The following DEPDC1B variants were observed in gnomAD, a reference collection of about 807,000 sequenced individuals.
DEPDC1B encodes DEP domain containing 1B, also known as DEP domain-containing protein 1B.
A neutral mutation model predicts 66.5 loss-of-function variants in DEPDC1B; 51 were observed. The ratio of observed to expected loss-of-function variants is 0.77; its 90% CI spans 0.61 to 0.97. The LOEUF (loss-of-function observed/expected upper bound fraction) is 0.97, where lower values mean the gene tolerates loss of function less well. Ranked by LOEUF, DEPDC1B falls within the 50% of genes least tolerant of loss-of-function variation. The probability of loss-of-function intolerance (pLI) is 0.00; values close to 1 mark genes in which losing one functional copy is unlikely to be tolerated. For missense variants in DEPDC1B, 552 were observed against 637.1 expected (o/e 0.87, Z 1.44); for synonymous variants, 226 against 223.6 (o/e 1.01, Z -0.10).
At chr5:60,647,194 C>T (rs531347505) in intron 3 of DEPDC1B, among the ~76,000 whole-genome samples, 7 of 151,190 alleles carry the variant, frequency 4.6e-5, no homozygotes, top group Non-Finnish European at 1.0e-4. Flanking sequence ...CAATACAGTA[C>T]AACAACTATT....
chr5:60,679,026 T>C (rs1754232221), intron 2 of DEPDC1B, among the ~76,000 whole-genome samples: 1 of 152,264 alleles, frequency 6.6e-6, no homozygotes, highest in East Asian at 1.9e-4. Context: ...AGTTTTATAT[T>C]TAAATCTATG....
Position 60,668,159 on chromosome 5 carries a change from T to TTA in DEPDC1B, c.314+18801_314+18802dup, listed in dbSNP as rs1411913204. ...ATTTTATATATATATAAAATGGATA[T>TTA]TATATATATATAAAATGGATATTTT... On this transcript the variant is annotated intron_variant, in intron 2 of 10. Coordinates refer to ENST00000265036, the MANE Select transcript of DEPDC1B (RefSeq NM_018369.3). Among the ~76,000 whole-genome samples, 6 of 12,430 alleles carry TTA rather than the reference T, an allele frequency of 4.8e-4. 2 individuals are homozygous for TTA. The highest frequency in any genetic ancestry group is 2.3e-3 in the Admixed American group (2 of 888). The allele number at this position is 12,430 out of a possible 152,430, so 8.2% of individuals were successfully genotyped here. A position where few individuals can be genotyped will look rare whatever the true frequency, so the allele number is the denominator to read the frequency against.
chr5:60,612,948 T>C (rs1752453471), intron 7 of DEPDC1B, among the ~76,000 whole-genome samples: 1 of 152,194 alleles, frequency 6.6e-6, no homozygotes, highest in East Asian at 1.9e-4. Flanking sequence ...AGCTGGGAGA[T>C]ATCGTCACTC....
chr5:60,658,713 A>G (rs1753635897), intron 2 of DEPDC1B, among the ~76,000 whole-genome samples: 1 of 152,232 alleles, frequency 6.6e-6, no homozygotes, highest in Non-Finnish European at 1.5e-5. Flanking sequence ...GGGAGGGACA[A>G]TGATCAGGAT....
At chr5:60,692,347 G>A (rs1271915713) in intron 1 of DEPDC1B, among the ~76,000 whole-genome samples, 4 of 152,132 alleles carry the variant, frequency 2.6e-5, no homozygotes, top group Non-Finnish European at 4.4e-5. Context: ...AAAATGTTAA[G>A]TATTTGAGGT....
intron 10 of DEPDC1B, among the ~76,000 whole-genome samples, chr5:60,598,635 G>A (rs368388346): frequency 2.8e-4 from 42 of 152,278 alleles, no homozygotes; most frequent in African/African-American, 1.0e-3. Context: ...TGATACCTGA[G>A]GCAAGAAACT....
chr5:60,672,614 T>C (rs560591316), intron 2 of DEPDC1B, among the ~76,000 whole-genome samples: 1 of 152,268 alleles, frequency 6.6e-6, no homozygotes, highest in Non-Finnish European at 1.5e-5. Context: ...TCATGAGATT[T>C]GGGTGGGGAC....
intron 7 of DEPDC1B, among the ~76,000 whole-genome samples, chr5:60,629,319 T>C (rs1752872467): frequency 6.6e-6 from 1 of 152,222 alleles, no homozygotes; most frequent in Non-Finnish European, 1.5e-5. Context: ...ATTTCACGTA[T>C]CTCTTCAATA....
chr5:60,668,066 T>C (rs1323196269), intron 2 of DEPDC1B, among the ~76,000 whole-genome samples: 1 of 106,368 alleles, frequency 9.4e-6, no homozygotes, highest in East Asian at 2.3e-4. Context: ...ATATTTTATA[T>C]ATATATAAAA....
intron 2 of DEPDC1B, among the ~76,000 whole-genome samples, chr5:60,675,482 T>G (rs1754133036): frequency 6.6e-6 from 1 of 152,096 alleles, no homozygotes; most frequent in African/African-American, 2.4e-5. Flanking sequence ...GCAGGTATGT[T>G]TGAAGAACTG....
At chr5:60,665,890 A>G (rs965471873) in intron 2 of DEPDC1B, among the ~76,000 whole-genome samples, 7 of 152,182 alleles carry the variant, frequency 4.6e-5, no homozygotes, top group Non-Finnish European at 1.0e-4. Flanking sequence ...GTCAAATCAT[A>G]TATCGCCTTA....
At chr5:60,618,754 T>G (rs981375806) in intron 7 of DEPDC1B, among the ~76,000 whole-genome samples, 1 of 151,990 alleles carries the variant, frequency 6.6e-6, no homozygotes, top group African/African-American at 2.4e-5. Context: ...TTCCAATCAA[T>G]AGAAAAAGAG....
intron 7 of DEPDC1B, among the ~76,000 whole-genome samples, chr5:60,607,245 A>G (rs73759362): frequency 0.019 from 2,856 of 152,276 alleles, 107 homozygotes; most frequent in African/African-American, 0.065. Flanking sequence ...TGACTGCCAG[A>G]GGAAGGAGAT....
At chr5:60,602,015 T>C (rs1045339748) in intron 9 of DEPDC1B, among the ~76,000 whole-genome samples, 1 of 152,198 alleles carries the variant, frequency 6.6e-6, no homozygotes, top group African/African-American at 2.4e-5. Flanking sequence ...CAAAGGCTCC[T>C]GAGTCTGTGC....
chr5:60,621,455 A>C (rs1440422917), intron 7 of DEPDC1B, among the ~76,000 whole-genome samples: 2 of 151,970 alleles, frequency 1.3e-5, no homozygotes, highest in Non-Finnish European at 1.5e-5. Flanking sequence ...CAAAAAACCA[A>C]ACACCTCATA....
At chr5:60,689,085 G>A (rs1214265302) in intron 1 of DEPDC1B, 1 of 456,058 alleles carries the variant, frequency 2.2e-6, no homozygotes, top group East Asian at 6.9e-5. Flanking sequence ...TATGGAGTCA[G>A]ACTTGAGTTC....
intron 1 of DEPDC1B, among the ~76,000 whole-genome samples, chr5:60,694,407 T>C (rs1754612926): frequency 6.6e-6 from 1 of 152,226 alleles, no homozygotes; most frequent in Admixed American, 6.5e-5. Flanking sequence ...TTACAAGTTA[T>C]ACTTGTTTAT....
chr5:60,638,937 C>CT, intron 6 of DEPDC1B, 47 bp from the exon 7 acceptor site: 1 of 1,589,290 alleles, frequency 6.3e-7, no homozygotes, highest in Non-Finnish European at 8.6e-7. Context: ...GGAGTAATTA[C>CT]CTCTAAGTAT....
intron 1 of DEPDC1B, among the ~76,000 whole-genome samples, chr5:60,698,823 G>A (rs1754712782): frequency 6.6e-6 from 1 of 152,036 alleles, no homozygotes. Context: ...ATGCCACCAT[G>A]CCCAGCTAAT....
Sources: allele counts gnomAD v4.1 joint callset (sites outside exome capture counted in the v4.1 genomes callset), GRCh38; gene constraint gnomAD v4.1.1; transcripts MANE v1.5; gene names NCBI Gene and HGNC (gene_info 2026-07-23, HGNC 2026-07-21).